The following ACAP2 variants were observed in gnomAD, a reference collection of about 807,000 sequenced individuals.
ACAP2 encodes arf-GAP with coiled-coil, ANK repeat and PH domain-containing protein 2.
ACAP2 carries 39 observed loss-of-function variants against 115.8 expected under a neutral mutation model. The observed-to-expected ratio is 0.34, with a 90% CI of 0.26 to 0.44. The LOEUF (loss-of-function observed/expected upper bound fraction) is 0.44, where lower values mean the gene tolerates loss of function less well. Ranked by LOEUF, ACAP2 falls within the 20% of genes least tolerant of loss-of-function variation. The pLI, the probability that ACAP2 is intolerant of heterozygous loss-of-function variation, is 1.00. For synonymous variants in ACAP2, 289 were observed against 315.8 expected, an observed-to-expected ratio of 0.92 and a Z score of 0.90; for missense variants, 662 against 927.6, an observed-to-expected ratio of 0.71 and a Z score of 3.72.
At chr3:195,309,923 TA>T (rs1232885776) in intron 10 of ACAP2, among the ~76,000 whole-genome samples, 1 of 151,898 alleles carries the variant, frequency 6.6e-6, no homozygotes, top group Non-Finnish European at 1.5e-5. Context: ...CCTAAAGGCA[TA>T]AAAAAAATTC....
chr3:195,305,345 C>T (rs1028669442), intron 13 of ACAP2, among the ~76,000 whole-genome samples: 16 of 152,160 alleles, frequency 1.1e-4, no homozygotes, highest in Admixed American at 9.2e-4. Context: ...AAAGCTTCAA[C>T]ATCAACACTG....
chr3:195,421,589 T>G (rs549809862), intron 1 of ACAP2, among the ~76,000 whole-genome samples: 1 of 152,228 alleles, frequency 6.6e-6, no homozygotes, highest in African/African-American at 2.4e-5. Context: ...GCTGTAGTCA[T>G]AGGAAAGATT....
rs1324675215 is a variant in ACAP2 at position 195,291,734 on chromosome 3, G to A, written c.2035C>T (p.His679Tyr). ...GTGTGCCCTAAGACGGTGGCATGGTGCAATGGTCCCCGCCCTTGGACATCT... is the reference window on the plus strand; with the variant it reads ...GTGTGCCCTAAGACGGTGGCATGGTACAATGGTCCCCGCCCTTGGACATCT... ...QRDVQGRGPL[H>Y]HATVLGHTGQ... Residue 679 changes from histidine (H) to tyrosine (Y), a missense_variant, in exon 20 of 23, where the codon CAC becomes TAC. Coordinates refer to ENST00000326793, the MANE Select transcript of ACAP2 (RefSeq NM_012287.6). 2 of 1,614,058 alleles carry A rather than the reference G, an allele frequency of 1.2e-6. No individual in the cohort carries two copies. The highest frequency in any genetic ancestry group is 1.6e-4 in the Middle Eastern group (1 of 6,062).
intron 1 of ACAP2, among the ~76,000 whole-genome samples, chr3:195,427,328 A>C (rs952633135): frequency 6.6e-6 from 1 of 152,132 alleles, no homozygotes; most frequent in Non-Finnish European, 1.5e-5. Context: ...GAACTGTAAA[A>C]TCATTTTGTG....
chr3:195,379,498 A>G (rs1335703339), intron 4 of ACAP2, among the ~76,000 whole-genome samples: 2 of 152,224 alleles, frequency 1.3e-5, no homozygotes, highest in Admixed American at 1.3e-4. Context: ...GCCCAATTAA[A>G]TAACTGACAA....
chr3:195,425,485 G>A (rs917340485), intron 1 of ACAP2, among the ~76,000 whole-genome samples: 10 of 152,152 alleles, frequency 6.6e-5, no homozygotes, highest in African/African-American at 2.4e-5. Flanking sequence ...AAGAAATCGT[G>A]CTCAAGAACA....
chr3:195,312,390 C>T (rs1436349709), intron 10 of ACAP2, among the ~76,000 whole-genome samples: 2 of 152,170 alleles, frequency 1.3e-5, no homozygotes, highest in African/African-American at 4.8e-5. Flanking sequence ...ACCAAAAGGA[C>T]TAATCCTAGT....
rs551395915 is a variant in ACAP2 at position 195,399,875 on chromosome 3, T to C, written c.54-7728A>G. On this transcript the variant is annotated intron_variant, in intron 1 of 22. Coordinates refer to ENST00000326793, the MANE Select transcript of ACAP2 (RefSeq NM_012287.6). Reference sequence around the variant, plus strand: ...AAAAAATTTAAAAAAAGGAAGAACTTAAAATATTATCCAGATAATAGGACC... The same window carrying C: ...AAAAAATTTAAAAAAAGGAAGAACTCAAAATATTATCCAGATAATAGGACC... Among the ~76,000 whole-genome samples the C allele has an allele frequency of 1.3e-4, 20 of 152,132 alleles. 1 individual carries two copies. The South Asian group carries it at 4.2e-3, about 32-fold the overall frequency.
At position 195,442,884 on chromosome 3, in the gene ACAP2, A is replaced by T; in HGVS notation, c.-37T>A. ...CTCGCAGGCGGCGCTGGCAAAGCCGAGGGGGCCGCGGGAGCGGCCGCGCTG... is the reference window on the plus strand; with the variant it reads ...CTCGCAGGCGGCGCTGGCAAAGCCGTGGGGGCCGCGGGAGCGGCCGCGCTG... On this transcript the variant is annotated 5_prime_UTR_variant, in exon 1 of 23. Coordinates refer to ENST00000326793, the MANE Select transcript of ACAP2 (RefSeq NM_012287.6). 2 of 1,501,750 alleles carry T rather than the reference A, an allele frequency of 1.3e-6. No homozygotes were observed. Among genetic ancestry groups the T allele is most frequent in the Non-Finnish European group, 1.8e-6 (2 of 1,126,250 alleles). The allele number at this position is 1,501,750 out of a possible 1,614,324, so 93.0% of individuals were successfully genotyped here.
chr3:195,391,607 TA>T (rs1734682245), intron 2 of ACAP2, among the ~76,000 whole-genome samples: 1 of 152,176 alleles, frequency 6.6e-6, no homozygotes, highest in Admixed American at 6.5e-5. Context: ...CTCTGGCACT[TA>T]GATTAGACTT....
chr3:195,321,321 C>T (rs1436933844), intron 9 of ACAP2, among the ~76,000 whole-genome samples: 1 of 143,820 alleles, frequency 7.0e-6, no homozygotes, highest in Non-Finnish European at 1.5e-5. Flanking sequence ...CTCCCGGGTT[C>T]AAGTGATTCT....
intron 8 of ACAP2, 100 bp from the exon 9 acceptor site, chr3:195,327,059 T>C: frequency 2.7e-6 from 3 of 1,117,914 alleles, no homozygotes; most frequent in Non-Finnish European, 3.9e-6. Flanking sequence ...AAAAAATCAC[T>C]CAATTTAAGC....
At chr3:195,378,299 T>C (rs1194189870) in intron 4 of ACAP2, among the ~76,000 whole-genome samples, 2 of 151,930 alleles carry the variant, frequency 1.3e-5, no homozygotes, top group Non-Finnish European at 2.9e-5. Context: ...GAGACCATCC[T>C]GGCCAACATG....
chr3:195,412,384 A>G (rs1279280455), intron 1 of ACAP2, among the ~76,000 whole-genome samples: 1 of 151,424 alleles, frequency 6.6e-6, no homozygotes, highest in Non-Finnish European at 1.5e-5. Flanking sequence ...GTTCGAGACC[A>G]GCCTGGCCAA....
chr3:195,433,352 T>C (rs921552630), intron 1 of ACAP2, among the ~76,000 whole-genome samples: 1 of 152,246 alleles, frequency 6.6e-6, no homozygotes, highest in Non-Finnish European at 1.5e-5. Flanking sequence ...CTCACAAAAG[T>C]GGAACCCATA....
rs185997016 is a variant in ACAP2, at chr3:195,361,999, A to T, written c.286-16682T>A. On this transcript the variant is annotated intron_variant, in intron 4 of 22. Transcript: ENST00000326793. ...AATCCAAAACCTGAACAGACCAGTA[A>T]CAAGACCAAAGCTCAAATAAAAAGT... Among the ~76,000 whole-genome samples the T allele has an allele frequency of 1.5e-3, 231 of 152,292 alleles. 2 individuals are homozygous for T. The highest frequency in any genetic ancestry group is 5.2e-3 in the African/African-American group (217 of 41,566).
At chr3:195,394,880 T>C (rs1459669212) in intron 1 of ACAP2, among the ~76,000 whole-genome samples, 1 of 151,626 alleles carries the variant, frequency 6.6e-6, no homozygotes, top group Non-Finnish European at 1.5e-5. Context: ...ACTGCACCAC[T>C]GCGCTCCTGC....
intron 4 of ACAP2, among the ~76,000 whole-genome samples, chr3:195,364,320 C>T (rs1193574184): frequency 6.6e-6 from 1 of 152,082 alleles, no homozygotes; most frequent in Non-Finnish European, 1.5e-5. Flanking sequence ...ATACAAATGG[C>T]CAACAGGCAT....
chr3:195,285,674 A>C lies in ACAP2; in HGVS notation c.2236+122T>G, dbSNP rs192900704. 2.4e-5 allele frequency: 19 copies of C among 798,766 alleles called. No individual in the cohort carries two copies. In the East Asian group the frequency reaches 5.1e-4, roughly 21 times the overall value. The allele number at this position is 798,766 out of a possible 1,614,324, so 49.5% of individuals were successfully genotyped here. ...AACTCACAATTTACAAGTGGGTTAT[A>C]AAAACTCTATAGTATCACATTAGTT... On this transcript the variant is annotated intron_variant, in intron 22 of 22. Transcript: ENST00000326793.
Sources: allele counts gnomAD v4.1 joint callset (sites outside exome capture counted in the v4.1 genomes callset), GRCh38; gene constraint gnomAD v4.1.1; transcripts MANE v1.5; gene names NCBI Gene and HGNC (gene_info 2026-07-23, HGNC 2026-07-21).